Variants in RAB11B observed in about 807,000 individuals in gnomAD.
RAB11B encodes RAB11B, member RAS oncogene family.
In RAB11B, 7 loss-of-function variants were observed where a neutral mutation model predicts 23.7. The ratio of observed to expected loss-of-function variants is 0.29; its 90% CI spans 0.17 to 0.55. The LOEUF is 0.55. RAB11B is among the 20% of genes least tolerant of loss of function. The pLI is 0.93. For synonymous variants in RAB11B, 138 were observed against 132.0 expected (o/e 1.05, Z -0.31); for missense variants, 189 against 320.0 (o/e 0.59, Z 3.12).
chr19:8,395,315 C>A (rs1971388587), intron 1 of RAB11B, among the ~76,000 whole-genome samples: 2 of 150,464 alleles, frequency 1.3e-5, no homozygotes, highest in Admixed American at 1.3e-4. Context: ...GCTGTGTCGC[C>A]CAGCTTGGAG....
At chr19:8,392,212 C>G (rs1971360697) in intron 1 of RAB11B, among the ~76,000 whole-genome samples, 1 of 152,118 alleles carries the variant, frequency 6.6e-6, no homozygotes, top group South Asian at 2.1e-4. Context: ...ATCCAGGTTT[C>G]TGTGGTTATC....
At position 8,403,672 on chromosome 19, in the gene RAB11B, A is replaced by G; in HGVS notation, c.*114A>G. 7.0e-7 allele frequency: 1 copy of G among 1,429,482 alleles called. No homozygotes were observed. Among genetic ancestry groups the G allele is most frequent in the Non-Finnish European group, 9.4e-7 (1 of 1,066,730 alleles). 88.5% of individuals were successfully genotyped at this position (1,429,482 alleles called of 1,614,324 possible). The stretch of plus-strand genomic sequence containing the variant: ...CCGGCTCGTTCCAGCCCTCCCAGTG[A>G]GCTCTGCACGGCCGGGCCGGGGCCC... On this transcript the variant is annotated 3_prime_UTR_variant, in exon 5 of 5. Coordinates refer to ENST00000328024, the MANE Select transcript of RAB11B (RefSeq NM_004218.4).
At chr19:8,390,692 G>A in intron 1 of RAB11B, 1 of 404,694 alleles carries the variant, frequency 2.5e-6, no homozygotes. Flanking sequence ...GCGCCGGGGC[G>A]GGGCCAGAGC....
At chr19:8,400,947 A>G (rs1471115678) in intron 2 of RAB11B, among the ~76,000 whole-genome samples, 14 of 151,532 alleles carry the variant, frequency 9.2e-5, no homozygotes, top group Non-Finnish European at 1.9e-4. Flanking sequence ...GCTGGAGTGC[A>G]GTGCCACAAT....
Position 8,390,367 on chromosome 19 carries a change from G to A in RAB11B, c.-50G>A. On this transcript the variant is annotated 5_prime_UTR_variant, in exon 1 of 5. Transcript: ENST00000328024. ...GGCGCCGGCTCCGCCCCCGTCGGGT[G>A]TTTGTGGTGGGGCTGCGGAGTCGCC... 1 of 1,502,434 alleles carries A rather than the reference G, an allele frequency of 6.7e-7. No individual in the cohort carries two copies. The highest frequency in any genetic ancestry group is 8.9e-7 in the Non-Finnish European group (1 of 1,127,686). 93.1% of individuals were successfully genotyped at this position (1,502,434 alleles called of 1,614,324 possible). A position where few individuals can be genotyped will look rare whatever the true frequency, so the allele number is the denominator to read the frequency against.
chr19:8,401,941 A>G (rs1971440866), intron 2 of RAB11B, 145 bp from the exon 3 acceptor site: 1 of 772,646 alleles, frequency 1.3e-6, no homozygotes, highest in Admixed American at 2.9e-5. Context: ...CTCCAGACAC[A>G]CACCCTTCCC....
Position 8,403,671 on chromosome 19 carries a change from G to A in RAB11B, c.*113G>A, listed in dbSNP as rs556177076. ...GCCGGCTCGTTCCAGCCCTCCCAGTGAGCTCTGCACGGCCGGGCCGGGGCC... is the reference window on the plus strand; with the variant it reads ...GCCGGCTCGTTCCAGCCCTCCCAGTAAGCTCTGCACGGCCGGGCCGGGGCC... On this transcript the variant is annotated 3_prime_UTR_variant, in exon 5 of 5. Transcript: ENST00000328024. The A allele has an allele frequency of 1.8e-4, 261 of 1,445,584 alleles. 1 individual carries two copies. The African/African-American group carries it at 3.5e-3, about 19-fold the overall frequency. 89.5% of individuals were successfully genotyped at this position (1,445,584 alleles called of 1,614,324 possible). A position where few individuals can be genotyped will look rare whatever the true frequency, so the allele number is the denominator to read the frequency against.
chr19:8,392,777 G>C (rs1306994836), intron 1 of RAB11B, among the ~76,000 whole-genome samples: 1 of 124,522 alleles, frequency 8.0e-6, no homozygotes, highest in Non-Finnish European at 1.6e-5. Flanking sequence ...TGCAGCCTCC[G>C]TCTCCCGGGT....
At position 8,402,000 on chromosome 19, in the gene RAB11B, T is replaced by C. The variant is rs981232990; in HGVS notation, c.237-86T>C. 5.7e-6 allele frequency: 8 copies of C among 1,393,696 alleles called. No individual in the cohort carries two copies. In the Admixed American group the frequency reaches 2.0e-4, roughly 34 times the overall value. 86.3% of individuals were successfully genotyped at this position (1,393,696 alleles called of 1,614,324 possible). A position where few individuals can be genotyped will look rare whatever the true frequency, so the allele number is the denominator to read the frequency against. On this transcript the variant is annotated intron_variant, in intron 2 of 4. Coordinates refer to ENST00000328024, the MANE Select transcript of RAB11B (RefSeq NM_004218.4). Reference sequence around the variant, plus strand: ...TGGCTCGGCCCTGGACGACCCACCCTGGGCGTGATGTGTGCTGTTATCCCG... The same window carrying C: ...TGGCTCGGCCCTGGACGACCCACCCCGGGCGTGATGTGTGCTGTTATCCCG...
intron 1 of RAB11B, among the ~76,000 whole-genome samples, chr19:8,391,262 G>A (rs1220143281): frequency 1.3e-5 from 2 of 152,218 alleles, no homozygotes; most frequent in African/African-American, 4.8e-5. Flanking sequence ...GTTTATAAGT[G>A]TTGGAACCCG....
In RAB11B at chr19:8,403,678, G is replaced by A. The variant is rs937761016; in HGVS notation, c.*120G>A. 5.0e-6 allele frequency: 7 copies of A among 1,386,366 alleles called. No homozygotes were observed. The African/African-American group carries it at 8.6e-5, about 17-fold the overall frequency. 85.9% of individuals were successfully genotyped at this position (1,386,366 alleles called of 1,614,324 possible). A position where few individuals can be genotyped will look rare whatever the true frequency, so the allele number is the denominator to read the frequency against. ...CGTTCCAGCCCTCCCAGTGAGCTCT[G>A]CACGGCCGGGCCGGGGCCCAGGAAG... On this transcript the variant is annotated 3_prime_UTR_variant, in exon 5 of 5. Coordinates refer to ENST00000328024, the MANE Select transcript of RAB11B (RefSeq NM_004218.4).
At chr19:8,391,969 A>G (rs576003391) in intron 1 of RAB11B, among the ~76,000 whole-genome samples, 12 of 152,128 alleles carry the variant, frequency 7.9e-5, no homozygotes, top group Admixed American at 5.9e-4. Flanking sequence ...CTCTGTGGTC[A>G]GCAGGTGCCC....
intron 2 of RAB11B, among the ~76,000 whole-genome samples, chr19:8,401,359 C>T (rs894512227): frequency 1.3e-5 from 2 of 151,580 alleles, no homozygotes; most frequent in Non-Finnish European, 2.9e-5. Context: ...GGATTACAGG[C>T]GTGAGCGACC....
chr19:8,390,526 G>C, intron 1 of RAB11B, 70 bp downstream of exon 1: 1 of 1,381,586 alleles, frequency 7.2e-7, no homozygotes, highest in Non-Finnish European at 9.4e-7. Flanking sequence ...CCAAGGCCGC[G>C]CTCCAGGCCG....
At chr19:8,399,600 C>G (rs750670492) in intron 1 of RAB11B, among the ~76,000 whole-genome samples, 1 of 152,224 alleles carries the variant, frequency 6.6e-6, no homozygotes, top group Non-Finnish European at 1.5e-5. Flanking sequence ...TCCCCTTGCC[C>G]CAGCTGGGAC....
chr19:8,391,712 G>A (rs1020078160), intron 1 of RAB11B, among the ~76,000 whole-genome samples: 4 of 152,042 alleles, frequency 2.6e-5, no homozygotes, highest in East Asian at 3.9e-4. Context: ...TCCTCACCTC[G>A]CTGAGCCGTT....
chr19:8,400,999 C>T (rs1479911529), intron 2 of RAB11B, among the ~76,000 whole-genome samples: 1 of 152,258 alleles, frequency 6.6e-6, no homozygotes, highest in Non-Finnish European at 1.5e-5. Flanking sequence ...TCAAGCGATT[C>T]TCCTGCCTCA....
Position 8,403,685 on chromosome 19 carries a change from C to G in RAB11B, c.*127C>G, listed in dbSNP as rs566019031. On this transcript the variant is annotated 3_prime_UTR_variant, in exon 5 of 5. Coordinates refer to ENST00000328024, the MANE Select transcript of RAB11B (RefSeq NM_004218.4). Reference sequence around the variant, plus strand: ...GCCCTCCCAGTGAGCTCTGCACGGCCGGGCCGGGGCCCAGGAAGGACAGGA... The same window carrying G: ...GCCCTCCCAGTGAGCTCTGCACGGCGGGGCCGGGGCCCAGGAAGGACAGGA... 4 of 1,333,932 alleles carry G rather than the reference C, an allele frequency of 3.0e-6. No homozygotes were observed. Among genetic ancestry groups the G allele is most frequent in the Non-Finnish European group, 4.0e-6 (4 of 999,348 alleles). The allele number at this position is 1,333,932 out of a possible 1,614,324, so 82.6% of individuals were successfully genotyped here. A position where few individuals can be genotyped will look rare whatever the true frequency, so the allele number is the denominator to read the frequency against.
At chr19:8,403,198 G>A (rs1257077780) in intron 4 of RAB11B, among the ~76,000 whole-genome samples, 2 of 152,168 alleles carry the variant, frequency 1.3e-5, no homozygotes, top group Non-Finnish European at 2.9e-5. Flanking sequence ...TGAGGGAGGA[G>A]GGCGCTTCTG....
Sources: gnomAD v4.1 joint callset for allele counts (sites outside exome capture counted in the v4.1 genomes callset) on GRCh38, gnomAD v4.1.1 for gene constraint, MANE v1.5 for transcripts, NCBI Gene and HGNC (gene_info 2026-07-23, HGNC 2026-07-21) for gene names.